Variants in PSD observed in about 807,000 individuals in gnomAD.
The protein encoded by PSD is PH and SEC7 domain-containing protein 1.
PSD carries 32 observed loss-of-function variants against 91.6 expected under a neutral mutation model. The ratio of observed to expected loss-of-function variants is 0.35; its 90% CI spans 0.26 to 0.47. The LOEUF is 0.47. Among genes scored for constraint, PSD ranks in the 20% least tolerant of loss-of-function variants. PSD has a pLI of 1.00. For synonymous variants in PSD, 532 were observed against 569.3 expected, an observed-to-expected ratio of 0.93 and a Z score of 0.93; for missense variants, 1,099 against 1,373.9, an observed-to-expected ratio of 0.80 and a Z score of 3.16.
chr10:102,410,636 G>A lies in PSD; in HGVS notation c.2091+222C>T, dbSNP rs1364169571. 2.6e-5 allele frequency among the ~76,000 whole-genome samples: 4 copies of A among 152,232 alleles called. No homozygotes were observed. The highest frequency in any genetic ancestry group is 5.9e-5 in the Non-Finnish European group (4 of 68,034). On this transcript the variant is annotated intron_variant, in intron 10 of 16. Transcript: ENST00000020673. The surrounding 1 kb of genome is among the most constrained non-coding windows in gnomAD (Gnocchi z 6.0). The stretch of plus-strand genomic sequence containing the variant: ...AGCCGGGTCCCCTCCCCCGCCGTGC[G>A]CAGTCGCGACCGCACGCATGTGCGC...
At position 102,416,446 on chromosome 10, in the gene PSD, C is replaced by G; in HGVS notation, c.593G>C (p.Gly198Ala). The G allele has an allele frequency of 6.2e-7, 1 of 1,611,010 alleles. No individual in the cohort carries two copies. The highest frequency in any genetic ancestry group is 1.1e-5 in the South Asian group (1 of 90,572). The change falls in exon 2 of 17, where the codon GGC becomes GCC. Residue 198 changes from glycine (G) to alanine (A), a missense_variant. Gly to Ala is a moderately conservative substitution (Grantham distance 60). Transcript: ENST00000020673. The surrounding 1 kb of genome is among the most constrained non-coding windows in gnomAD (Gnocchi z 6.0). ...GAGTGTGGCCAGGCGCTCAGGGGGG[C>G]CCCCCAGCCCATTGGGGAGAGAGGA... ...LYSSLPNGLG[G>A]PPERLATLFG... is the part of the protein sequence containing the mutation.
rs2061315228 is a variant in PSD, at chr10:102,403,700, C to T, written c.2844+142G>A. On this transcript the variant is annotated intron_variant, in intron 16 of 16. Coordinates refer to ENST00000020673, the MANE Select transcript of PSD (RefSeq NM_002779.5). The surrounding 1 kb of genome is among the most constrained non-coding windows in gnomAD (Gnocchi z 6.7). ...ACCCCAGTGGATGTCAAATGTTATC[C>T]TTGTTGCACAGAGGAGGAAACTGAG... 1.6e-5 allele frequency: 18 copies of T among 1,153,446 alleles called. No homozygotes were observed. Among genetic ancestry groups the T allele is most frequent in the Non-Finnish European group, 2.0e-5 (17 of 837,400 alleles). 71.5% of individuals were successfully genotyped at this position (1,153,446 alleles called of 1,614,324 possible).
chr10:102,406,298 C>G (rs937445447), intron 11 of PSD, among the ~76,000 whole-genome samples: 1 of 152,170 alleles, frequency 6.6e-6, no homozygotes, highest in Admixed American at 6.5e-5. Flanking sequence ...CTGCACCTCC[C>G]CTGAGATCTC....
chr10:102,416,255 G>T lies in PSD; in HGVS notation c.654+130C>A, dbSNP rs2061479215. 7.9e-7 allele frequency: 1 copy of T among 1,260,186 alleles called. No individual in the cohort carries two copies. Among genetic ancestry groups the T allele is most frequent in the Admixed American group, 2.2e-5 (1 of 46,048 alleles). 78.1% of individuals were successfully genotyped at this position (1,260,186 alleles called of 1,614,324 possible). On this transcript the variant is annotated intron_variant, in intron 2 of 16. Transcript: ENST00000020673. The surrounding 1 kb of genome is among the most constrained non-coding windows in gnomAD (Gnocchi z 6.0). ...TCAGAGACACAGAGACAAACACAGA[G>T]GGCAAGAGAGAGGCAGATTTAGAAC...
At chr10:102,417,351 C>T (rs1027197949) in intron 1 of PSD, among the ~76,000 whole-genome samples, 3 of 151,972 alleles carry the variant, frequency 2.0e-5, no homozygotes, top group Non-Finnish European at 2.9e-5. Context: ...TGCCTGAGGC[C>T]CTGAGCATCA....
chr10:102,409,959 C>A lies in PSD; in HGVS notation c.2091+899G>T, dbSNP rs1050323004. Among the ~76,000 whole-genome samples the A allele has an allele frequency of 6.6e-6, 1 of 152,074 alleles. No homozygotes were observed. Among genetic ancestry groups the A allele is most frequent in the Admixed American group, 6.5e-5 (1 of 15,274 alleles). ...CACAAACACACCAAGCCATACAAACCCTTGATTCACGACGCCCGGGCACAC... is the reference window on the plus strand; with the variant it reads ...CACAAACACACCAAGCCATACAAACACTTGATTCACGACGCCCGGGCACAC... On this transcript the variant is annotated intron_variant, in intron 10 of 16. Transcript: ENST00000020673. The surrounding 1 kb of genome is among the most constrained non-coding windows in gnomAD (Gnocchi z 5.7).
chr10:102,417,910 T>C (rs917184072), intron 1 of PSD, among the ~76,000 whole-genome samples: 2 of 152,070 alleles, frequency 1.3e-5, no homozygotes, highest in African/African-American at 2.4e-5. Context: ...AGTTTCACCA[T>C]GTTGTCCAGG....
Position 102,403,863 on chromosome 10 carries a change from C to T in PSD, c.2823G>A (p.Lys941=). ...TCACCTCAAACTCCAGGTAGGCCTCCTTCTGCCGCTGCTCTTCAGCCTCCT... is the reference window on the plus strand; with the variant it reads ...TCACCTCAAACTCCAGGTAGGCCTCTTTCTGCCGCTGCTCTTCAGCCTCCT... ...RGKEAEEQRQ[K]EAYLEFEKSR... Residue 941 remains lysine (K), a synonymous_variant, in exon 16 of 17, where the codon AAG becomes AAA. Coordinates refer to ENST00000020673, the MANE Select transcript of PSD (RefSeq NM_002779.5). This position sits in a 1 kb window ranked among gnomAD's most constrained non-coding sequence, Gnocchi z 6.7. The T allele has an allele frequency of 1.9e-6, 3 of 1,610,836 alleles. No homozygotes were observed. Among genetic ancestry groups the T allele is most frequent in the Non-Finnish European group, 2.5e-6 (3 of 1,178,600 alleles).
In PSD at chr10:102,410,804, A is replaced by C; in HGVS notation, c.2091+54T>G. 10 of 1,258,764 alleles carry C rather than the reference A, an allele frequency of 7.9e-6. No homozygotes were observed. The highest frequency in any genetic ancestry group is 2.6e-4 in the Middle Eastern group (1 of 3,834). 78.0% of individuals were successfully genotyped at this position (1,258,764 alleles called of 1,614,324 possible). On this transcript the variant is annotated intron_variant, in intron 10 of 16. Transcript: ENST00000020673. This position sits in a 1 kb window ranked among gnomAD's most constrained non-coding sequence, Gnocchi z 6.0. ...CCTCCGACTCTGGACTCCGTCGCCG[A>C]CTGGGTCCTCCATCCTTCCCCTCCA...
In PSD at chr10:102,403,743, T is replaced by G. The variant is rs1440729833; in HGVS notation, c.2844+99A>C. ...AAACTGAGGCTTAGGTTAAGCAACCTGCCCAAGGACCTCCGGCCGGTTCCA... is the reference window on the plus strand; with the variant it reads ...AAACTGAGGCTTAGGTTAAGCAACCGGCCCAAGGACCTCCGGCCGGTTCCA... On this transcript the variant is annotated intron_variant, in intron 16 of 16. Coordinates refer to ENST00000020673, the MANE Select transcript of PSD (RefSeq NM_002779.5). The surrounding 1 kb of genome is among the most constrained non-coding windows in gnomAD (Gnocchi z 6.7). The G allele has an allele frequency of 1.4e-6, 2 of 1,447,678 alleles. No homozygotes were observed. Among genetic ancestry groups the G allele is most frequent in the Non-Finnish European group, 1.8e-6 (2 of 1,085,980 alleles). 89.7% of individuals were successfully genotyped at this position (1,447,678 alleles called of 1,614,324 possible).
rs778923607 is a variant in PSD at position 102,402,900 on chromosome 10, C to T, written c.*300G>A. 52 of 318,614 alleles carry T rather than the reference C, an allele frequency of 1.6e-4. No individual in the cohort carries two copies. The highest frequency in any genetic ancestry group is 2.5e-4 in the Admixed American group (5 of 20,346). The allele number at this position is 318,614 out of a possible 1,614,324, so 19.7% of individuals were successfully genotyped here. On this transcript the variant is annotated 3_prime_UTR_variant, in exon 17 of 17. Coordinates refer to ENST00000020673, the MANE Select transcript of PSD (RefSeq NM_002779.5). ...TCTCAGCAGAAAGCAGAAACGGCAT[C>T]AGGCCTCTCCCACACAAAAAAAAAG...
At chr10:102,411,017 G>A in intron 9 of PSD, 41 bp downstream of exon 9, 6 of 1,613,338 alleles carry the variant, frequency 3.7e-6, no homozygotes, top group Non-Finnish European at 5.1e-6. Flanking sequence ...TGTCTGGCCA[G>A]GGGTTTGTTT....
rs975114618 is a variant in PSD at position 102,417,042 on chromosome 10, G to A, written c.-4C>T. On this transcript the variant is annotated 5_prime_UTR_variant, in exon 2 of 17. Coordinates refer to ENST00000020673, the MANE Select transcript of PSD (RefSeq NM_002779.5). ...AGCGCATGGCACCCTGGGCCATGCT[G>A]GGGCCGGGGGTCAGGCTGGGGGGGC... 1.4e-5 allele frequency: 22 copies of A among 1,545,934 alleles called. No homozygotes were observed. Among genetic ancestry groups the A allele is most frequent in the Non-Finnish European group, 1.9e-5 (22 of 1,153,554 alleles).
intron 11 of PSD, 117 bp downstream of exon 11, chr10:102,407,106 G>A (rs2061370889): frequency 1.1e-6 from 1 of 885,610 alleles, no homozygotes; most frequent in Non-Finnish European, 1.6e-6. Flanking sequence ...TGCCTCTCAT[G>A]GCCTCTCACT....
upstream of PSD, chr10:102,418,896 C>T: frequency 5.8e-6 from 2 of 346,286 alleles, no homozygotes; most frequent in Non-Finnish European, 1.2e-5. Flanking sequence ...GCCCCGGAGG[C>T]TGCCAGCCCC....
In PSD at chr10:102,409,203, G is replaced by GCGGCC. The variant is rs1190706266; in HGVS notation, c.2091+1650_2091+1654dup. On this transcript the variant is annotated intron_variant, in intron 10 of 16. Transcript: ENST00000020673. The surrounding 1 kb of genome is among the most constrained non-coding windows in gnomAD (Gnocchi z 5.7). ...TCCCCCGACAGCCAGCGCGAGCGGCGCGGCCCGGCCCGAGCCGGCCCGGCT... is the reference window on the plus strand; with the variant it reads ...TCCCCCGACAGCCAGCGCGAGCGGCGCGGCCCGGCCCGGCCCGAGCCGGCCCGGCT... 6 of 982,108 alleles carry GCGGCC rather than the reference G, an allele frequency of 6.1e-6. No individual in the cohort carries two copies. 60.8% of individuals were successfully genotyped at this position (982,108 alleles called of 1,614,324 possible). A position where few individuals can be genotyped will look rare whatever the true frequency, so the allele number is the denominator to read the frequency against.
chr10:102,413,833 T>C lies in PSD; in HGVS notation c.1489A>G (p.Arg497Gly), dbSNP rs1334897458. The C allele has an allele frequency of 1.9e-6, 3 of 1,613,948 alleles. No individual in the cohort carries two copies. The highest frequency in any genetic ancestry group is 2.5e-6 in the Non-Finnish European group (3 of 1,179,976). The change falls in exon 5 of 17, where the codon AGG (arginine) becomes GGG (glycine). Residue 497 changes from arginine (R) to glycine (G), a missense_variant. Arg to Gly is a moderately radical substitution (Grantham distance 125). This residue lies in a region of PSD where 631 missense variants were observed against 728.8 expected (regional missense o/e 0.87). Transcript: ENST00000020673. ...GAGTGGCAGGGACTAGGGGGCTCCCTCCCTGGGGCCAGCTTGGCTCTGGCC... is the reference window on the plus strand; with the variant it reads ...GAGTGGCAGGGACTAGGGGGCTCCCCCCCTGGGGCCAGCTTGGCTCTGGCC... ...AEARAKLAPG[R>G]EPPSPCHSED...
Position 102,413,971 on chromosome 10 carries a change from G to A in PSD, c.1351C>T (p.Pro451Ser), listed in dbSNP as rs779996628. ...TFELPPQPPA[P>S]RPDPPAPAPL... ...GCGGGAGCTGGTGGGTCGGGCCGGG[G>A]TGCAGGGGGTTGGGGAGGCAGCTCA... The change falls in exon 5 of 17, where the codon CCC becomes TCC. Residue 451 changes from proline (P) to serine (S), a missense_variant. Around this residue, in one of 3 missense-constraint regions of PSD, gnomAD observed 631 missense variants for 728.8 expected, o/e 0.87. Transcript: ENST00000020673. The A allele has an allele frequency of 6.2e-7, 1 of 1,613,802 alleles. No individual in the cohort carries two copies. The highest frequency in any genetic ancestry group is 2.2e-5 in the East Asian group (1 of 44,878).
intron 10 of PSD, 71 bp from the exon 11 acceptor site, chr10:102,407,337 C>A: frequency 9.7e-7 from 1 of 1,031,942 alleles, no homozygotes; most frequent in Non-Finnish European, 1.3e-6. Flanking sequence ...GAGCCTTCCC[C>A]TCTAACTTGA....
Sources: gnomAD v4.1 joint callset for allele counts (sites outside exome capture counted in the v4.1 genomes callset) on GRCh38, gnomAD v4.1.1 for gene constraint, gnomAD v4.1.1 regional missense constraint, Gnocchi (gnomAD v3.1) non-coding constraint, MANE v1.5 for transcripts, NCBI Gene and HGNC (gene_info 2026-07-23, HGNC 2026-07-21) for gene names.